Variants in SYTL4 observed in about 807,000 individuals in gnomAD.
SYTL4 encodes the protein synaptotagmin like 4.
A neutral mutation model predicts 52.7 loss-of-function variants in SYTL4; 16 were observed. The ratio of observed to expected loss-of-function variants is 0.30; its 90% confidence interval spans 0.21 to 0.46. The LOEUF is 0.46. Among genes scored for constraint, SYTL4 ranks in the 20% least tolerant of loss-of-function variants. The pLI is 1.00. For missense variants in SYTL4, 423 were observed against 519.9 expected (o/e 0.81, Z 1.81); for synonymous variants, 160 against 186.6 (o/e 0.86, Z 1.16).
At chrX:100,698,259 C>T (rs1016783130) in intron 8 of SYTL4, among the ~76,000 whole-genome samples, 27 of 110,064 alleles carry the variant, frequency 2.5e-4, no homozygotes, top group South Asian at 1.3e-3. Flanking sequence ...CCTGCCACCA[C>T]GCCCGGCTAA....
intron 8 of SYTL4, among the ~76,000 whole-genome samples, chrX:100,698,256 C>T (rs1158669309): frequency 1.8e-5 from 2 of 109,974 alleles, no homozygotes; most frequent in East Asian, 6.2e-4. Flanking sequence ...GCGCCTGCCA[C>T]CACGCCCGGC....
chrX:100,685,681 G>A (rs1485042958), intron 16 of SYTL4: 2 of 194,009 alleles, frequency 1.0e-5, no homozygotes, highest in African/African-American at 5.8e-5. Flanking sequence ...AGGTTAGCTC[G>A]GAGAAGAGGT....
chrX:100,718,809 T>G (rs1405821403), intron 2 of SYTL4, among the ~76,000 whole-genome samples: 2 of 108,027 alleles, frequency 1.9e-5, no homozygotes, highest in East Asian at 2.9e-4. Context: ...CTTTTTTTTT[T>G]TTTGTGTGAG....
intron 2 of SYTL4, among the ~76,000 whole-genome samples, chrX:100,717,898 CAGTAT>C (rs2084261007): frequency 8.9e-6 from 1 of 112,286 alleles, no homozygotes; most frequent in African/African-American, 3.2e-5. Flanking sequence ...TAATTAAGGA[CAGTAT>C]AGCATAGAAT....
chrX:100,678,664 C>A, intron 18 of SYTL4, 65 bp from the exon 19 acceptor site: 1 of 964,707 alleles, frequency 1.0e-6, no homozygotes, highest in Non-Finnish European at 1.5e-6. Flanking sequence ...CTAAATTCCC[C>A]TTTCCCCTAC....
chrX:100,724,481 T>A (rs1466919234), intron 2 of SYTL4, among the ~76,000 whole-genome samples: 1 of 104,859 alleles, frequency 9.5e-6, no homozygotes, highest in East Asian at 3.1e-4. Flanking sequence ...CATGTCTGTG[T>A]AGAAAGAGGT....
intron 17 of SYTL4, among the ~76,000 whole-genome samples, chrX:100,679,684 G>A (rs1481977743): frequency 9.0e-6 from 1 of 111,704 alleles, no homozygotes; most frequent in Non-Finnish European, 1.9e-5. Flanking sequence ...AACAACCCTA[G>A]GAGAGTCACA....
intron 2 of SYTL4, among the ~76,000 whole-genome samples, chrX:100,707,432 C>T (rs1376292976): frequency 9.0e-6 from 1 of 111,337 alleles, no homozygotes; most frequent in East Asian, 2.8e-4. Context: ...ATACCTGCCT[C>T]CTACCTCACT....
At chrX:100,701,057 C>T in intron 7 of SYTL4, 58 bp from the exon 8 acceptor site, 2 of 999,214 alleles carry the variant, frequency 2.0e-6, no homozygotes, top group Admixed American at 2.2e-5. Context: ...AAAAAGGAAA[C>T]AACCCTCATA....
In SYTL4 at chrX:100,717,392, A is replaced by C. The variant is rs758617799; in HGVS notation, c.-239-12506T>G. On this transcript the variant is annotated intron_variant, in intron 2 of 19. Transcript: ENST00000372989. ...GTAGCACATGAACTGATTGTAAATTAATGTTTTTCAGCTGGATAAGCAGGA... is the reference window on the plus strand; with the variant it reads ...GTAGCACATGAACTGATTGTAAATTCATGTTTTTCAGCTGGATAAGCAGGA... Among the ~76,000 whole-genome samples the C allele has an allele frequency of 5.3e-5, 6 of 113,225 alleles. No homozygotes were observed. In the South Asian group the frequency reaches 2.2e-3, roughly 41 times the overall value.
At chrX:100,718,766 T>G (rs1179844388) in intron 2 of SYTL4, among the ~76,000 whole-genome samples, 1 of 109,878 alleles carries the variant, frequency 9.1e-6, no homozygotes, top group Non-Finnish European at 1.9e-5. Flanking sequence ...AAGTAGAGTT[T>G]GCATGTGCTG....
chrX:100,712,854 G>A (rs1268259086), intron 2 of SYTL4, among the ~76,000 whole-genome samples: 3 of 111,950 alleles, frequency 2.7e-5, no homozygotes, highest in African/African-American at 9.7e-5. Flanking sequence ...TATCACCAAA[G>A]AAGATATACA....
At chrX:100,719,476 T>C (rs1247973598) in intron 2 of SYTL4, among the ~76,000 whole-genome samples, 1 of 111,631 alleles carries the variant, frequency 9.0e-6, no homozygotes, top group Non-Finnish European at 1.9e-5. Flanking sequence ...GTGGGGTTTC[T>C]AAAAGTCTTC....
In SYTL4 at chrX:100,675,264, G is replaced by C. The variant is rs952192357; in HGVS notation, c.*764C>G. On this transcript the variant is annotated 3_prime_UTR_variant, in exon 20 of 20. Coordinates refer to ENST00000372989, the MANE Select transcript of SYTL4 (RefSeq NM_001370165.1). ...CAGTCACTCTGGTCCTCTGAGATCA[G>C]CTAGAAGCTCTCACTGGGCATCCTC... The C allele has an allele frequency of 1.8e-5, 2 of 112,721 alleles. No homozygotes were observed. Among genetic ancestry groups the C allele is most frequent in the Non-Finnish European group, 3.7e-5 (2 of 53,335 alleles). The allele number at this position is 112,721 out of a possible 1,213,427, so 9.3% of individuals were successfully genotyped here.
intron 8 of SYTL4, among the ~76,000 whole-genome samples, chrX:100,698,419 T>C (rs1602824027): frequency 2.7e-5 from 3 of 111,680 alleles, no homozygotes; most frequent in African/African-American, 9.8e-5. Flanking sequence ...TTACTAAACT[T>C]CAAGAAAAAG....
At chrX:100,683,499 C>A (rs1032310960) in intron 16 of SYTL4, among the ~76,000 whole-genome samples, 1 of 111,208 alleles carries the variant, frequency 9.0e-6, no homozygotes, top group African/African-American at 3.3e-5. Flanking sequence ...AAGGCATAAT[C>A]CCCATAAGTT....
At chrX:100,688,545 G>T in intron 12 of SYTL4, 102 bp from the exon 13 acceptor site, 5 of 571,122 alleles carry the variant, frequency 8.8e-6, no homozygotes, top group Non-Finnish European at 1.3e-5. Context: ...CCATGTGTAT[G>T]TGTACGCACA....
intron 2 of SYTL4, among the ~76,000 whole-genome samples, chrX:100,730,824 A>T (rs1456869690): frequency 9.1e-6 from 1 of 110,165 alleles, no homozygotes; most frequent in Non-Finnish European, 1.9e-5. Context: ...AAAACGCAGA[A>T]AACTTCATCA....
intron 2 of SYTL4, among the ~76,000 whole-genome samples, chrX:100,713,841 C>G (rs1205356023): frequency 1.7e-4 from 18 of 102,953 alleles, no homozygotes; most frequent in Non-Finnish European, 1.3e-4. Context: ...ATTATGCTGA[C>G]TGAAATAAGT....
Sources: allele counts gnomAD v4.1 joint callset (sites outside exome capture counted in the v4.1 genomes callset), GRCh38; gene constraint gnomAD v4.1.1; transcripts MANE v1.5; gene names NCBI Gene and HGNC (gene_info 2026-07-23, HGNC 2026-07-21).